TMEM108: variants seen among roughly 807,000 people sequenced by gnomAD.
TMEM108 encodes transmembrane protein 108, also known as cancer/testis antigen 124.
A neutral mutation model predicts 35.1 loss-of-function variants in TMEM108; 12 were observed. The ratio of observed to expected loss-of-function variants is 0.34; its 90% CI spans 0.22 to 0.55. TMEM108 has a LOEUF of 0.55. TMEM108 is among the 20% of genes least tolerant of loss of function. The probability of loss-of-function intolerance (pLI) is 0.89; values close to 1 mark genes in which losing one functional copy is unlikely to be tolerated. For missense variants in TMEM108, 680 were observed against 753.3 expected (o/e 0.90, Z 1.14); for synonymous variants, 287 against 308.6 (o/e 0.93, Z 0.73).
At chr3:133,337,708 A>G (rs2071538566) in intron 3 of TMEM108, among the ~76,000 whole-genome samples, 1 of 152,218 alleles carries the variant, frequency 6.6e-6, no homozygotes, top group Non-Finnish European at 1.5e-5. Context: ...GAACTTAAAT[A>G]AGGTAGAAAG....
At chr3:133,124,064 T>C (rs1944385724) in intron 2 of TMEM108, among the ~76,000 whole-genome samples, 1 of 152,216 alleles carries the variant, frequency 6.6e-6, no homozygotes, top group Non-Finnish European at 1.5e-5. Flanking sequence ...TGTTTATTCA[T>C]TGTTCAAGCT....
At chr3:133,391,432 A>G (rs1201671) in intron 5 of TMEM108, among the ~76,000 whole-genome samples, 49,816 of 151,988 alleles carry the variant, frequency 0.33, 9,002 homozygotes, top group East Asian at 0.43. Flanking sequence ...AGAGCAGCCA[A>G]GGTGAGCTTT....
intron 2 of TMEM108, among the ~76,000 whole-genome samples, chr3:133,060,737 A>G (rs1329284655): frequency 6.6e-6 from 1 of 152,182 alleles, no homozygotes; most frequent in Non-Finnish European, 1.5e-5. Flanking sequence ...TAAAAGTGTA[A>G]AATGTGTGTA....
intron 3 of TMEM108, among the ~76,000 whole-genome samples, chr3:133,372,047 A>G (rs367974355): frequency 1.6e-4 from 24 of 152,366 alleles, no homozygotes; most frequent in East Asian, 1.3e-3. Context: ...GTTCTAGGTG[A>G]GAAATGTTTG....
Position 133,397,535 on chromosome 3 carries a change from G to A in TMEM108, c.*1549G>A, listed in dbSNP as rs959005058. The stretch of plus-strand genomic sequence containing the variant: ...GTTTCTCTAAGTTTAATTTTCTAGC[G>A]TGTTGTTGTCTTACCTTTTTAACCT... On this transcript the variant is annotated 3_prime_UTR_variant, in exon 6 of 6. Transcript: ENST00000321871. 1.3e-5 allele frequency: 2 copies of A among 152,030 alleles called. No homozygotes were observed. The highest frequency in any genetic ancestry group is 2.9e-5 in the Non-Finnish European group (2 of 68,030). The allele number at this position is 152,030 out of a possible 1,614,324, so 9.4% of individuals were successfully genotyped here. A position where few individuals can be genotyped will look rare whatever the true frequency, so the allele number is the denominator to read the frequency against.
intron 3 of TMEM108, among the ~76,000 whole-genome samples, chr3:133,285,261 G>A (rs530930903): frequency 3.3e-5 from 5 of 152,216 alleles, no homozygotes; most frequent in Admixed American, 1.3e-4. Context: ...TAACACAGAC[G>A]CAGAATAAAT....
At chr3:133,069,517 C>A (rs1274674473) in intron 2 of TMEM108, among the ~76,000 whole-genome samples, 2 of 152,102 alleles carry the variant, frequency 1.3e-5, no homozygotes, top group African/African-American at 2.4e-5. Flanking sequence ...AAAGTCATAT[C>A]TTTTAAGGTC....
chr3:133,048,053 A>G (rs1189173196), intron 2 of TMEM108, among the ~76,000 whole-genome samples: 1 of 152,186 alleles, frequency 6.6e-6, no homozygotes, highest in Non-Finnish European at 1.5e-5. Flanking sequence ...GTTCTGGTTC[A>G]TTGTGATAAT....
At chr3:133,216,078 A>C (rs938469278) in intron 2 of TMEM108, among the ~76,000 whole-genome samples, 1 of 151,814 alleles carries the variant, frequency 6.6e-6, no homozygotes, top group Non-Finnish European at 1.5e-5. Context: ...TTTTTTCCCC[A>C]GAGATTTCCT....
chr3:133,307,073 G>A (rs149280783), intron 3 of TMEM108, among the ~76,000 whole-genome samples: 24 of 152,256 alleles, frequency 1.6e-4, no homozygotes, highest in Admixed American at 7.8e-4. Flanking sequence ...TCTAACTGGC[G>A]TGAGATGGTA....
intron 2 of TMEM108, among the ~76,000 whole-genome samples, chr3:133,078,417 C>T (rs1943771181): frequency 6.6e-6 from 1 of 152,086 alleles, no homozygotes; most frequent in Non-Finnish European, 1.5e-5. Flanking sequence ...TCAAGTGATG[C>T]TCTACAAAGC....
chr3:133,111,463 T>A (rs1944222932), intron 2 of TMEM108, among the ~76,000 whole-genome samples: 1 of 152,132 alleles, frequency 6.6e-6, no homozygotes, highest in African/African-American at 2.4e-5. Context: ...GTGTGAATTT[T>A]GACTTTAATA....
intron 3 of TMEM108, among the ~76,000 whole-genome samples, chr3:133,275,943 G>A (rs1946833139): frequency 6.6e-6 from 1 of 152,140 alleles, no homozygotes; most frequent in Non-Finnish European, 1.5e-5. Flanking sequence ...TCAAAAATTG[G>A]CCTAGCATTA....
At chr3:133,103,414 C>T (rs1400808115) in intron 2 of TMEM108, among the ~76,000 whole-genome samples, 1 of 152,088 alleles carries the variant, frequency 6.6e-6, no homozygotes, top group African/African-American at 2.4e-5. Flanking sequence ...AGGGAAACAG[C>T]ACACACTGGG....
In TMEM108 at chr3:133,236,076, A is replaced by C. The variant is rs542728407; in HGVS notation, c.40+6725A>C. ...TTTTATGAGAATATGATGTTTTTAC[A>C]TATCAATATCTATTCAAATCAGAAT... is the stretch of plus-strand genomic sequence containing the variant. On this transcript the variant is annotated intron_variant, in intron 3 of 5. Coordinates refer to ENST00000321871, the MANE Select transcript of TMEM108 (RefSeq NM_023943.4). 6.6e-5 allele frequency among the ~76,000 whole-genome samples: 10 copies of C among 152,260 alleles called. 1 individual carries two copies. In the South Asian group the frequency reaches 2.1e-3, roughly 32 times the overall value.
chr3:133,162,655 G>A (rs1050514826), intron 2 of TMEM108, among the ~76,000 whole-genome samples: 1 of 152,210 alleles, frequency 6.6e-6, no homozygotes, highest in Non-Finnish European at 1.5e-5. Context: ...TGGGAAAGCA[G>A]GTCTTTACTG....
chr3:133,261,947 T>C (rs1946631285), intron 3 of TMEM108, among the ~76,000 whole-genome samples: 1 of 152,216 alleles, frequency 6.6e-6, no homozygotes, highest in Non-Finnish European at 1.5e-5. Context: ...CTCACCTGTC[T>C]CAAATTCTGG....
At chr3:133,117,422 G>A (rs1254270316) in intron 2 of TMEM108, among the ~76,000 whole-genome samples, 1 of 152,152 alleles carries the variant, frequency 6.6e-6, no homozygotes, top group Non-Finnish European at 1.5e-5. Flanking sequence ...CTTTCTGCCA[G>A]AACTGCCCAA....
At chr3:133,309,794 G>A (rs1382606705) in intron 3 of TMEM108, among the ~76,000 whole-genome samples, 4 of 135,538 alleles carry the variant, frequency 3.0e-5, no homozygotes, top group African/African-American at 8.3e-5. Flanking sequence ...TCCGCCTCCC[G>A]GGTTCACGCT....
Sources: gnomAD v4.1 joint callset for allele counts (sites outside exome capture counted in the v4.1 genomes callset) on GRCh38, gnomAD v4.1.1 for gene constraint, MANE v1.5 for transcripts, NCBI Gene and HGNC (gene_info 2026-07-23, HGNC 2026-07-21) for gene names.